Variants in CAT observed in about 807,000 individuals in gnomAD.
CAT encodes epididymis secretory sperm binding protein.
In CAT, 43 loss-of-function variants were observed where a neutral mutation model predicts 59.0. The ratio of observed to expected loss-of-function variants is 0.73; its 90% CI spans 0.57 to 0.94. The LOEUF is 0.94. Ranked by LOEUF, CAT falls within the 40% of genes least tolerant of loss-of-function variation. The probability of loss-of-function intolerance (pLI) is 0.00; values close to 1 mark genes in which losing one functional copy is unlikely to be tolerated. For synonymous variants in CAT, 218 were observed against 230.9 expected (o/e 0.94, Z 0.51); for missense variants, 664 against 682.9 (o/e 0.97, Z 0.31).
chr11:34,464,305 C>T, intron 10 of CAT, 70 bp downstream of exon 10: 3 of 1,448,784 alleles, frequency 2.1e-6, no homozygotes, highest in Non-Finnish European at 2.9e-6. Flanking sequence ...GCATAATCCC[C>T]CTCCCTGCAA....
rs767446024 is a variant in CAT, at chr11:34,456,687, C to T, written c.926C>T (p.Pro309Leu). ...LTKVWPHKDY[P>L]LIPVGKLVLN... ...CAGGTTTGGCCTCACAAGGACTACC[C>T]TCTCATCCCAGTTGGTAAACTGGTC... Residue 309 changes from proline (P) to leucine (L), a missense_variant, in exon 8 of 13, where the codon CCT (proline) becomes CTT (leucine). Coordinates refer to ENST00000241052, the MANE Select transcript of CAT (RefSeq NM_001752.4). 6.2e-7 allele frequency: 1 copy of T among 1,614,052 alleles called. No homozygotes were observed. The highest frequency in any genetic ancestry group is 2.2e-5 in the East Asian group (1 of 44,892).
intron 1 of CAT, among the ~76,000 whole-genome samples, chr11:34,447,722 G>C (rs1296532204): frequency 6.6e-6 from 1 of 152,228 alleles, no homozygotes; most frequent in African/African-American, 2.4e-5. Flanking sequence ...TGTTCTCACA[G>C]CCAGTGAAGT....
chr11:34,459,009 GT>G (rs74373184), intron 8 of CAT, among the ~76,000 whole-genome samples: 6 of 148,730 alleles, frequency 4.0e-5, no homozygotes, highest in African/African-American at 4.9e-5. Context: ...TTTATAGGTT[GT>G]TTTTTTTTTA....
At chr11:34,464,416 C>T (rs1263493793) in intron 10 of CAT, among the ~76,000 whole-genome samples, 181 bp downstream of exon 10, 1 of 152,148 alleles carries the variant, frequency 6.6e-6, no homozygotes, top group Non-Finnish European at 1.5e-5. Context: ...GGTTATATTA[C>T]TCTGGTCTTT....
intron 1 of CAT, among the ~76,000 whole-genome samples, chr11:34,447,389 A>T (rs2284369): frequency 6.6e-6 from 1 of 151,928 alleles, no homozygotes; most frequent in Admixed American, 6.5e-5. Flanking sequence ...TTTCTGGTTC[A>T]TTTTCTACTT....
chr11:34,470,236 T>C (rs1241984907), intron 11 of CAT, among the ~76,000 whole-genome samples: 2 of 152,122 alleles, frequency 1.3e-5, no homozygotes, highest in Non-Finnish European at 2.9e-5. Context: ...GATTTACTTA[T>C]GATTACCAAT....
chr11:34,442,706 G>T (rs1251803007), intron 1 of CAT, among the ~76,000 whole-genome samples: 1 of 152,200 alleles, frequency 6.6e-6, no homozygotes, highest in Non-Finnish European at 1.5e-5. Flanking sequence ...GTTATTGAGG[G>T]CACCAGGCTG....
intron 5 of CAT, 103 bp from the exon 6 acceptor site, chr11:34,453,698 T>G (rs1856556350): frequency 1.7e-5 from 18 of 1,082,206 alleles, no homozygotes; most frequent in Non-Finnish European, 4.2e-6. Flanking sequence ...CTAGTATGTT[T>G]TATGTCATTA....
chr11:34,456,380 C>T (rs576821876), intron 7 of CAT, among the ~76,000 whole-genome samples, 178 bp downstream of exon 7: 1 of 152,278 alleles, frequency 6.6e-6, no homozygotes, highest in African/African-American at 2.4e-5. Context: ...TTCCACGTTC[C>T]TGTTTGTCAT....
At chr11:34,468,189 T>C (rs979888705) in intron 10 of CAT, 99 bp from the exon 11 acceptor site, 9 of 895,456 alleles carry the variant, frequency 1.0e-5, no homozygotes, top group Middle Eastern at 2.2e-4. Flanking sequence ...ACTTCTAAAG[T>C]TTTTTTTATC....
chr11:34,456,681 A>C lies in CAT; in HGVS notation c.920A>C (p.Asp307Ala). The C allele has an allele frequency of 6.2e-7, 1 of 1,614,190 alleles. No homozygotes were observed. ...CATTTTCAGGTTTGGCCTCACAAGG[A>C]CTACCCTCTCATCCCAGTTGGTAAA... is the stretch of plus-strand genomic sequence containing the variant. Reference protein sequence around the residue: ...FDLTKVWPHKDYPLIPVGKLV... With the variant: ...FDLTKVWPHKAYPLIPVGKLV... The change falls in exon 8 of 13, where the codon GAC becomes GCC. Residue 307 changes from aspartate to alanine, a missense_variant. Coordinates refer to ENST00000241052, the MANE Select transcript of CAT (RefSeq NM_001752.4).
rs560349804 is a variant in CAT, at chr11:34,460,204, A to G, written c.1057-1047A>G. On this transcript the variant is annotated intron_variant, in intron 8 of 12. Coordinates refer to ENST00000241052, the MANE Select transcript of CAT (RefSeq NM_001752.4). The stretch of plus-strand genomic sequence containing the variant: ...AATAGTTCAATAATTAGATATTAAG[A>G]TTAATGCAGAATTTATCATAAAGCT... Among the ~76,000 whole-genome samples, 8 of 152,350 alleles carry G rather than the reference A, an allele frequency of 5.3e-5. No homozygotes were observed. In the South Asian group the frequency reaches 8.3e-4, roughly 16 times the overall value.
At chr11:34,454,767 T>C (rs1473689853) in intron 6 of CAT, among the ~76,000 whole-genome samples, 1 of 152,224 alleles carries the variant, frequency 6.6e-6, no homozygotes, top group Non-Finnish European at 1.5e-5. Flanking sequence ...TAGTATTACT[T>C]AGAATAAGAC....
chr11:34,439,136 G>C lies in CAT; in HGVS notation c.66+57G>C, dbSNP rs553504423. Reference sequence around the variant, plus strand: ...GGTCCGTTTAGAAAGCGGGGGCGTCGGCAAGTAAAGGCCCGGCTTCCCCCG... The same window carrying C: ...GGTCCGTTTAGAAAGCGGGGGCGTCCGCAAGTAAAGGCCCGGCTTCCCCCG... On this transcript the variant is annotated intron_variant, in intron 1 of 12. Coordinates refer to ENST00000241052, the MANE Select transcript of CAT (RefSeq NM_001752.4). 171 of 1,468,310 alleles carry C rather than the reference G, an allele frequency of 1.2e-4. 3 individuals are homozygous for C. In the South Asian group the frequency reaches 2.0e-3, roughly 17 times the overall value. The allele number at this position is 1,468,310 out of a possible 1,614,324, so 91.0% of individuals were successfully genotyped here.
chr11:34,445,833 T>C (rs1042299235), intron 1 of CAT, among the ~76,000 whole-genome samples: 4 of 152,208 alleles, frequency 2.6e-5, no homozygotes, highest in African/African-American at 9.6e-5. Flanking sequence ...TTGCCTGTCC[T>C]TACGTGTTAC....
chr11:34,460,262 G>C (rs1229580896), intron 8 of CAT, among the ~76,000 whole-genome samples: 1 of 152,116 alleles, frequency 6.6e-6, no homozygotes, highest in Non-Finnish European at 1.5e-5. Context: ...GAAATTTCAA[G>C]ATGCTTGCCA....
chr11:34,454,009 A>G (rs1219926701), intron 6 of CAT, 83 bp downstream of exon 6: 1 of 1,454,590 alleles, frequency 6.9e-7, no homozygotes, highest in Admixed American at 1.7e-5. Flanking sequence ...GCAAAGATTA[A>G]GGCTTCTCCC....
chr11:34,460,391 C>T (rs1413028021), intron 8 of CAT, among the ~76,000 whole-genome samples: 1 of 149,066 alleles, frequency 6.7e-6, no homozygotes, highest in African/African-American at 2.5e-5. Flanking sequence ...TAGAAAGTCT[C>T]AGAGCTCAAA....
chr11:34,440,817 C>T (rs985048652), intron 1 of CAT, among the ~76,000 whole-genome samples: 2 of 152,064 alleles, frequency 1.3e-5, no homozygotes, highest in Admixed American at 6.6e-5. Flanking sequence ...CCCGCCTTGG[C>T]CTCCCAAAGT....
Sources: gnomAD v4.1 joint callset for allele counts (sites outside exome capture counted in the v4.1 genomes callset) on GRCh38, gnomAD v4.1.1 for gene constraint, MANE v1.5 for transcripts, NCBI Gene and HGNC (gene_info 2026-07-23, HGNC 2026-07-21) for gene names.